The following ADAM10 variants were observed in gnomAD, a reference collection of about 807,000 sequenced individuals.
The protein encoded by ADAM10 is disintegrin and metalloproteinase domain-containing protein 10.
A neutral mutation model predicts 90.1 loss-of-function variants in ADAM10; 17 were observed. The observed-to-expected ratio is 0.19, with a 90% CI of 0.13 to 0.28. The LOEUF is 0.28. Among genes scored for constraint, ADAM10 ranks in the 10% least tolerant of loss-of-function variants. The pLI is 1.00. For synonymous variants in ADAM10, 310 were observed against 298.6 expected (o/e 1.04, Z -0.40); for missense variants, 610 against 914.3 (o/e 0.67, Z 4.29).
chr15:58,624,916 C>G (rs1895893587), intron 10 of ADAM10, among the ~76,000 whole-genome samples: 1 of 152,024 alleles, frequency 6.6e-6, no homozygotes, highest in Admixed American at 6.6e-5. Flanking sequence ...CTGTTAATAC[C>G]TACAAAGCAA....
In ADAM10 at chr15:58,718,227, G is replaced by A. The variant is rs958933442; in HGVS notation, c.56-500C>T. 2.0e-5 allele frequency among the ~76,000 whole-genome samples: 3 copies of A among 152,148 alleles called. No individual in the cohort carries two copies. The East Asian group carries it at 5.8e-4, about 29-fold the overall frequency. ...GGAACAAATGCTTATTTCTGTACCTGCTCTTTCTGCAGCTATTAAGATGAT... is the reference window on the plus strand; with the variant it reads ...GGAACAAATGCTTATTTCTGTACCTACTCTTTCTGCAGCTATTAAGATGAT... On this transcript the variant is annotated intron_variant, in intron 1 of 15. Transcript: ENST00000260408.
At chr15:58,688,799 A>C (rs908096045) in intron 2 of ADAM10, among the ~76,000 whole-genome samples, 1 of 103,172 alleles carries the variant, frequency 9.7e-6, no homozygotes, top group Non-Finnish European at 1.8e-5. Context: ...TCTCTCTCTC[A>C]CTGGACTGAC....
At chr15:58,712,662 T>C (rs1479199785) in intron 2 of ADAM10, among the ~76,000 whole-genome samples, 1 of 124,168 alleles carries the variant, frequency 8.1e-6, no homozygotes, top group Admixed American at 8.0e-5. Context: ...TACTAAAAAA[T>C]ACCAAAAAAA....
intron 15 of ADAM10, among the ~76,000 whole-genome samples, chr15:58,598,921 C>T (rs1895032996): frequency 1.3e-5 from 2 of 152,162 alleles, no homozygotes; most frequent in South Asian, 2.1e-4. Context: ...TGAATGAATC[C>T]TCTACTCTAA....
At chr15:58,656,164 C>CTTT (rs1338265555) in intron 5 of ADAM10, among the ~76,000 whole-genome samples, 1 of 152,114 alleles carries the variant, frequency 6.6e-6, no homozygotes, top group Non-Finnish European at 1.5e-5. Context: ...GATGGAATAT[C>CTTT]TTTTTCCACC....
intron 1 of ADAM10, among the ~76,000 whole-genome samples, chr15:58,718,323 T>A (rs1898731849): frequency 6.6e-6 from 1 of 152,224 alleles, no homozygotes; most frequent in Admixed American, 6.5e-5. Flanking sequence ...TAAGCCAACC[T>A]TGCATTACTG....
At position 58,621,609 on chromosome 15, in the gene ADAM10, G is replaced by C. The variant is rs768279822; in HGVS notation, c.1373C>G (p.Pro458Arg). Residue 458 changes from proline to arginine, a missense_variant, in exon 11 of 16, where the codon CCT becomes CGT. Pro to Arg is a moderately radical substitution (Grantham distance 103, BLOSUM62 -2). Transcript: ENST00000260408. ...RNNCFVESGQ[P>R]ICGNGMVEQG... ...TTCTACCATTCCATTTCCACAAATA[G>C]GTTGGCCAGATTCTGAGGAAAATAA... The C allele has an allele frequency of 6.2e-7, 1 of 1,614,024 alleles. No homozygotes were observed. The highest frequency in any genetic ancestry group is 1.1e-5 in the South Asian group (1 of 91,080).
intron 2 of ADAM10, among the ~76,000 whole-genome samples, chr15:58,704,879 C>T (rs1458327312): frequency 1.3e-5 from 2 of 152,124 alleles, no homozygotes; most frequent in Non-Finnish European, 2.9e-5. Flanking sequence ...TTGGTTGCCG[C>T]ATATTGCTCT....
chr15:58,738,522 A>T (rs1281110445), intron 1 of ADAM10, among the ~76,000 whole-genome samples: 1 of 152,256 alleles, frequency 6.6e-6, no homozygotes, highest in East Asian at 1.9e-4. Context: ...AACAGTTACA[A>T]GTTAAAGTTC....
chr15:58,621,372 C>A (rs1895782024), intron 11 of ADAM10, 99 bp downstream of exon 11: 1 of 1,409,786 alleles, frequency 7.1e-7, no homozygotes, highest in African/African-American at 1.4e-5. Context: ...AGCAAAGTTT[C>A]AAAACCATAT....
At chr15:58,617,633 G>T (rs1053258074) in intron 11 of ADAM10, among the ~76,000 whole-genome samples, 1 of 152,104 alleles carries the variant, frequency 6.6e-6, no homozygotes, top group South Asian at 2.1e-4. Context: ...CCTGTTTGTA[G>T]ACAGCATAAT....
chr15:58,644,195 A>G (rs1196327887), intron 6 of ADAM10, among the ~76,000 whole-genome samples: 1 of 150,964 alleles, frequency 6.6e-6, no homozygotes, highest in Non-Finnish European at 1.5e-5. Context: ...CCAACAATAA[A>G]CATGCATACT....
intron 4 of ADAM10, among the ~76,000 whole-genome samples, chr15:58,673,659 T>G (rs762552883): frequency 1.3e-5 from 2 of 152,000 alleles, no homozygotes; most frequent in African/African-American, 2.4e-5. Context: ...ATGCATAATA[T>G]GCATAATATG....
At chr15:58,717,791 G>A (rs571630816) in intron 1 of ADAM10, 64 bp from the exon 2 acceptor site, 26 of 1,564,456 alleles carry the variant, frequency 1.7e-5, no homozygotes, top group Middle Eastern at 3.4e-4. Flanking sequence ...GTTCTAACAC[G>A]ATTATTCAAG....
chr15:58,682,368 T>G, intron 2 of ADAM10, 54 bp from the exon 3 acceptor site: 1 of 1,583,296 alleles, frequency 6.3e-7, no homozygotes, highest in Non-Finnish European at 8.6e-7. Context: ...ATCCAAATTT[T>G]AAACAATTAT....
chr15:58,592,969 T>A lies in ADAM10; in HGVS notation c.*4578A>T, dbSNP rs1894856289. 1 of 149,374 alleles carries A rather than the reference T, an allele frequency of 6.7e-6. No homozygotes were observed. Among genetic ancestry groups the A allele is most frequent in the East Asian group, 2.0e-4 (1 of 5,126 alleles). The allele number at this position is 149,374 out of a possible 1,614,324, so 9.3% of individuals were successfully genotyped here. Reference sequence around the variant, plus strand: ...TAATAAACAATGTGGAACCTACATGTCCAAACAATGGGAAATTGGTTAAGA... The same window carrying A: ...TAATAAACAATGTGGAACCTACATGACCAAACAATGGGAAATTGGTTAAGA... On this transcript the variant is annotated 3_prime_UTR_variant, in exon 16 of 16. Transcript: ENST00000260408.
chr15:58,737,962 TGG>T (rs1899484257), intron 1 of ADAM10, among the ~76,000 whole-genome samples: 1 of 152,204 alleles, frequency 6.6e-6, no homozygotes, highest in Admixed American at 6.5e-5. Flanking sequence ...CCCAAAAAGT[TGG>T]CTATACAATC....
chr15:58,686,658 A>T lies in ADAM10; in HGVS notation c.207-4344T>A. On this transcript the variant is annotated intron_variant, in intron 2 of 15. Transcript: ENST00000260408. ...AGTTTGCTGAGGAATGCCTTCAAGC[A>T]CAAAGTGATGAATGACTGCCTTCAA... is the stretch of plus-strand genomic sequence containing the variant. 5.5e-6 allele frequency: 4 copies of T among 730,754 alleles called. No homozygotes were observed. In the South Asian group the frequency reaches 5.9e-5, roughly 11 times the overall value. 45.3% of individuals were successfully genotyped at this position (730,754 alleles called of 1,614,324 possible).
intron 7 of ADAM10, among the ~76,000 whole-genome samples, chr15:58,642,841 G>T (rs917769368): frequency 6.6e-6 from 1 of 152,070 alleles, no homozygotes; most frequent in Non-Finnish European, 1.5e-5. Flanking sequence ...AATTAATTAT[G>T]AACAATTCTT....
Sources: allele counts gnomAD v4.1 joint callset (sites outside exome capture counted in the v4.1 genomes callset), GRCh38; gene constraint gnomAD v4.1.1; transcripts MANE v1.5; gene names NCBI Gene and HGNC (gene_info 2026-07-23, HGNC 2026-07-21).